The following PDIA5 variants were observed in gnomAD, a reference collection of about 807,000 sequenced individuals.
PDIA5 encodes protein disulfide isomerase family A member 5, also known as protein disulfide-isomerase A5.
A neutral mutation model predicts 77.6 loss-of-function variants in PDIA5; 58 were observed. That is an observed-to-expected ratio of 0.75 (90% CI 0.61 to 0.93). The LOEUF is 0.93. Ranked by LOEUF, PDIA5 falls within the 40% of genes least tolerant of loss-of-function variation. The probability of loss-of-function intolerance (pLI) is 0.00; values close to 1 mark genes in which losing one functional copy is unlikely to be tolerated. For missense variants in PDIA5, 630 were observed against 647.7 expected (o/e 0.97, Z 0.30); for synonymous variants, 250 against 252.1 (o/e 0.99, Z 0.08).
chr3:123,140,737 G>A (rs1935611669), intron 11 of PDIA5, among the ~76,000 whole-genome samples: 4 of 152,220 alleles, frequency 2.6e-5, no homozygotes. Context: ...TGGTGGGGCT[G>A]CTGCGATAGA....
At chr3:123,134,731 C>T (rs1433115854) in intron 11 of PDIA5, among the ~76,000 whole-genome samples, 2 of 152,236 alleles carry the variant, frequency 1.3e-5, no homozygotes, top group Admixed American at 6.5e-5. Flanking sequence ...AGGGCAGCCA[C>T]GGTGCTAGGC....
chr3:123,138,451 C>A (rs1433617159), intron 11 of PDIA5, among the ~76,000 whole-genome samples: 1 of 152,076 alleles, frequency 6.6e-6, no homozygotes, highest in Non-Finnish European at 1.5e-5. Flanking sequence ...GAGTTGTTTA[C>A]CATATTTCCC....
chr3:123,082,708 A>C (rs956991309), intron 1 of PDIA5, among the ~76,000 whole-genome samples: 2 of 151,982 alleles, frequency 1.3e-5, no homozygotes, highest in Non-Finnish European at 2.9e-5. Context: ...GAGAAGTGCA[A>C]TTATTCTGTG....
intron 15 of PDIA5, among the ~76,000 whole-genome samples, chr3:123,160,402 T>C (rs561106278): frequency 6.6e-6 from 1 of 152,354 alleles, no homozygotes; most frequent in East Asian, 1.9e-4. Context: ...CAGTGGCCAA[T>C]GTGGGAACCA....
At chr3:123,115,015 C>A (rs978000528) in intron 7 of PDIA5, among the ~76,000 whole-genome samples, 1 of 152,124 alleles carries the variant, frequency 6.6e-6, no homozygotes, top group Admixed American at 6.5e-5. Context: ...GTTCTGGTGG[C>A]CCAGAAGGAA....
intron 11 of PDIA5, among the ~76,000 whole-genome samples, chr3:123,134,491 G>A (rs772009636): frequency 7.9e-5 from 12 of 152,190 alleles, no homozygotes; most frequent in South Asian, 2.1e-4. Context: ...ACCCCTCCCC[G>A]TTCTGTGTTA....
intron 3 of PDIA5, among the ~76,000 whole-genome samples, chr3:123,095,911 G>A (rs1934424440): frequency 6.6e-6 from 1 of 152,166 alleles, no homozygotes. Context: ...TCTGGGAAAT[G>A]TGGAGTTGAG....
intron 13 of PDIA5, among the ~76,000 whole-genome samples, 160 bp downstream of exon 13, chr3:123,146,419 A>G (rs1935775033): frequency 6.6e-6 from 1 of 152,342 alleles, no homozygotes; most frequent in South Asian, 2.1e-4. Context: ...CACCGTTCAT[A>G]TGCTGATCAC....
At chr3:123,108,297 T>TC (rs1934783324) in intron 6 of PDIA5, among the ~76,000 whole-genome samples, 1 of 151,380 alleles carries the variant, frequency 6.6e-6, no homozygotes, top group Non-Finnish European at 1.5e-5. Context: ...TTTTTTTTTT[T>TC]TGAGACAGAG....
At chr3:123,092,483 AG>A (rs767355525) in intron 3 of PDIA5, 41 bp downstream of exon 3, 46 of 1,448,874 alleles carry the variant, frequency 3.2e-5, no homozygotes, top group Non-Finnish European at 4.3e-5. Flanking sequence ...TGCTGGGCAG[AG>A]GGGCACTTGG....
intron 11 of PDIA5, among the ~76,000 whole-genome samples, chr3:123,136,964 A>G (rs945203472): frequency 2.0e-5 from 3 of 152,180 alleles, no homozygotes; most frequent in East Asian, 1.9e-4. Context: ...TCCCCTACTG[A>G]TAGGTATTGT....
chr3:123,116,523 A>G (rs1465818976), intron 8 of PDIA5, among the ~76,000 whole-genome samples: 1 of 152,218 alleles, frequency 6.6e-6, no homozygotes, highest in Non-Finnish European at 1.5e-5. Context: ...GACACCTGCC[A>G]AAGGCCAGTG....
intron 2 of PDIA5, among the ~76,000 whole-genome samples, chr3:123,091,618 A>G (rs1934285563): frequency 6.6e-6 from 1 of 152,122 alleles, no homozygotes; most frequent in Non-Finnish European, 1.5e-5. Flanking sequence ...CAGGATTGAC[A>G]TCTGCACCAA....
At chr3:123,071,125 A>G (rs978647585) in intron 1 of PDIA5, among the ~76,000 whole-genome samples, 2 of 152,014 alleles carry the variant, frequency 1.3e-5, no homozygotes, top group African/African-American at 4.8e-5. Flanking sequence ...ATAATATAAA[A>G]TCCATTTTAT....
intron 1 of PDIA5, among the ~76,000 whole-genome samples, chr3:123,082,200 G>A (rs900753386): frequency 6.6e-6 from 1 of 152,064 alleles, no homozygotes; most frequent in Non-Finnish European, 1.5e-5. Flanking sequence ...TGGTTGCTTC[G>A]GTAGGCCCTG....
At chr3:123,102,627 CTT>C in intron 4 of PDIA5, 122 bp from the exon 5 acceptor site, 1 of 901,480 alleles carries the variant, frequency 1.1e-6, no homozygotes, top group Non-Finnish European at 1.7e-6. Context: ...ACAATTATTT[CTT>C]TTAAAAAAAA....
intron 1 of PDIA5, among the ~76,000 whole-genome samples, chr3:123,085,949 T>C (rs1194713168): frequency 4.6e-5 from 7 of 152,106 alleles, no homozygotes; most frequent in African/African-American, 1.4e-4. Context: ...TAGGATAACA[T>C]GTAATAATAA....
rs139177651 is a variant in PDIA5 at position 123,145,628 on chromosome 3, T to C, written c.981+36T>C. On this transcript the variant is annotated intron_variant, in intron 12 of 16. Transcript: ENST00000316218. ...TTTCCTTCCCCCTCACCGTTCTCTT[T>C]GAAAGAATCACTGACAGGTGGAATC... 904 of 1,533,660 alleles carry C rather than the reference T, an allele frequency of 5.9e-4. 8 individuals carry two copies. In the African/African-American group the frequency reaches 0.01, roughly 17 times the overall value.
In PDIA5 at chr3:123,145,662, T is replaced by C. The variant is rs1478727080; in HGVS notation, c.981+70T>C. 5 of 1,363,514 alleles carry C rather than the reference T, an allele frequency of 3.7e-6. No homozygotes were observed. The East Asian group carries it at 1.2e-4, about 31-fold the overall frequency. The allele number at this position is 1,363,514 out of a possible 1,614,324, so 84.5% of individuals were successfully genotyped here. On this transcript the variant is annotated intron_variant, in intron 12 of 16. Transcript: ENST00000316218. ...CACTGACAGGTGGAATCATTATGAC[T>C]TTCCCCTGCAAGCCCTGCTGCAGCT...
Sources: gnomAD v4.1 joint callset for allele counts (sites outside exome capture counted in the v4.1 genomes callset) on GRCh38, gnomAD v4.1.1 for gene constraint, MANE v1.5 for transcripts, NCBI Gene and HGNC (gene_info 2026-07-23, HGNC 2026-07-21) for gene names.